EEF1AKMT4: variants seen among roughly 807,000 people sequenced by gnomAD.
EEF1AKMT4 encodes the protein EEF1A lysine methyltransferase 4.
Under a neutral mutation model 23.0 loss-of-function variants are expected in EEF1AKMT4, and 17 were observed. That is an observed-to-expected ratio of 0.74 (90% confidence interval 0.51 to 1.11). EEF1AKMT4 has a LOEUF of 1.11. EEF1AKMT4 is among the 50% of genes least tolerant of loss of function. EEF1AKMT4 has a pLI of 0.00. For missense variants in EEF1AKMT4, 318 were observed against 333.4 expected (o/e 0.95, Z 0.36); for synonymous variants, 140 against 141.4 (o/e 0.99, Z 0.07).
rs1553832766 is a variant in EEF1AKMT4, at chr3:184,257,632, T to C, written c.356T>C (p.Phe119Ser). ...WETMDVRKLD[F>S]PSASFDVVLE... ...ACCATGGATGTGCGGAAGCTGGACT[T>C]CCCCAGTGCTTCTTTTGATGTGGTG... is the stretch of plus-strand genomic sequence containing the variant. Residue 119 changes from phenylalanine (F) to serine (S), a missense_variant, in exon 2 of 3, where the codon TTC (phenylalanine) becomes TCC (serine). By Grantham distance (155) the Phe-to-Ser change is radical. Transcript: ENST00000324557. 1 of 1,614,186 alleles carries C rather than the reference T, an allele frequency of 6.2e-7. No homozygotes were observed.
At chr3:184,254,502 A>G (rs1719703449) in intron 1 of EEF1AKMT4, among the ~76,000 whole-genome samples, 1 of 150,938 alleles carries the variant, frequency 6.6e-6, no homozygotes, top group Admixed American at 6.6e-5. Flanking sequence ...CAGGAGATCG[A>G]GACCATCCTG....
chr3:184,255,794 G>A (rs945772230), intron 1 of EEF1AKMT4, among the ~76,000 whole-genome samples: 8 of 152,204 alleles, frequency 5.3e-5, no homozygotes, highest in African/African-American at 1.2e-4. Context: ...TCAGCTCCCC[G>A]GAAACTCTTG....
chr3:184,252,220 T>C (rs1049580752), intron 1 of EEF1AKMT4, among the ~76,000 whole-genome samples: 1 of 152,144 alleles, frequency 6.6e-6, no homozygotes, highest in African/African-American at 2.4e-5. Flanking sequence ...TGCCTTAAAA[T>C]CTGCTTGACT....
chr3:184,249,841 T>G lies in EEF1AKMT4; in HGVS notation c.147T>G (p.Arg49=), dbSNP rs761180201. The G allele has an allele frequency of 6.2e-7, 1 of 1,613,174 alleles. No individual in the cohort carries two copies. The part of the protein sequence containing the change: ...YDWFGDFSSF[R]ALLEPELRPE... ...GGTTCGGGGACTTCTCCTCCTTCCG[T>G]GCCCTCCTAGAGCCGGAGCTGCGGC... Residue 49 remains arginine, a synonymous_variant, in exon 1 of 3, where the codon CGT becomes CGG. Coordinates refer to ENST00000324557, the MANE Select transcript of EEF1AKMT4 (RefSeq NM_032331.4).
intron 1 of EEF1AKMT4, among the ~76,000 whole-genome samples, chr3:184,255,783 G>A: frequency 6.6e-6 from 1 of 152,232 alleles, no homozygotes; most frequent in East Asian, 1.9e-4. Context: ...TTGCTTGGTT[G>A]TCAGCTCCCC....
intron 1 of EEF1AKMT4, 130 bp from the exon 2 acceptor site, chr3:184,257,343 C>T (rs1719853484): frequency 1.1e-6 from 1 of 938,894 alleles, no homozygotes; most frequent in Non-Finnish European, 1.6e-6. Flanking sequence ...TTTCTGCACT[C>T]TGCCACCTCC....
chr3:184,252,990 G>A (rs1719629499), intron 1 of EEF1AKMT4, among the ~76,000 whole-genome samples: 1 of 147,554 alleles, frequency 6.8e-6, no homozygotes, highest in Non-Finnish European at 1.5e-5. Context: ...GAATAGCCAT[G>A]TTTCAATATA....
intron 1 of EEF1AKMT4, among the ~76,000 whole-genome samples, chr3:184,255,732 CAGAGTGTTGGG>C (rs1390751527): frequency 6.6e-6 from 1 of 152,230 alleles, no homozygotes; most frequent in Non-Finnish European, 1.5e-5. Context: ...CACTTCCTAC[CAGAGTGTTGGG>C]AAGTTGTCAA....
rs1719569772 is a variant in EEF1AKMT4 at position 184,251,794 on chromosome 3, G to A, written c.196+1904G>A. 2.0e-5 allele frequency among the ~76,000 whole-genome samples: 3 copies of A among 152,164 alleles called. No individual in the cohort carries two copies. In the South Asian group the frequency reaches 6.2e-4, roughly 32 times the overall value. ...TTGGAATCTTGGCTCGGCTTATACTGGCTGTGTAATCCTGGACAAAATACT... is the reference window on the plus strand; with the variant it reads ...TTGGAATCTTGGCTCGGCTTATACTAGCTGTGTAATCCTGGACAAAATACT... On this transcript the variant is annotated intron_variant, in intron 1 of 2. Coordinates refer to ENST00000324557, the MANE Select transcript of EEF1AKMT4 (RefSeq NM_032331.4).
intron 2 of EEF1AKMT4, 54 bp downstream of exon 2, chr3:184,257,810 A>G: frequency 6.4e-7 from 1 of 1,556,522 alleles, no homozygotes; most frequent in Non-Finnish European, 8.7e-7. Context: ...TGCGGGGTTG[A>G]GGTTTCAGGG....
intron 1 of EEF1AKMT4, among the ~76,000 whole-genome samples, chr3:184,253,542 C>G (rs1035566790): frequency 6.6e-5 from 10 of 152,194 alleles, no homozygotes; most frequent in African/African-American, 2.4e-4. Flanking sequence ...TTTAAGAGCT[C>G]TGGCTCTGGA....
intron 1 of EEF1AKMT4, among the ~76,000 whole-genome samples, chr3:184,250,477 A>G (rs1009090601): frequency 5.9e-5 from 9 of 152,136 alleles, no homozygotes; most frequent in African/African-American, 2.2e-4. Flanking sequence ...GGGTGATACG[A>G]TTCCCCAAAG....
At chr3:184,250,803 G>A (rs1719504536) in intron 1 of EEF1AKMT4, among the ~76,000 whole-genome samples, 1 of 152,236 alleles carries the variant, frequency 6.6e-6, no homozygotes, top group Non-Finnish European at 1.5e-5. Flanking sequence ...TAATAACTTG[G>A]CTGGGCGCGG....
chr3:184,249,959 T>C (rs1719450525), intron 1 of EEF1AKMT4, 69 bp downstream of exon 1: 4 of 1,502,356 alleles, frequency 2.7e-6, no homozygotes, highest in Non-Finnish European at 2.7e-6. Flanking sequence ...CTTGGCCTGG[T>C]CCGCTTTCCT....
chr3:184,254,777 C>T (rs1307651504), intron 1 of EEF1AKMT4, among the ~76,000 whole-genome samples: 2 of 152,066 alleles, frequency 1.3e-5, no homozygotes, highest in African/African-American at 4.8e-5. Flanking sequence ...CTCCTGTTCC[C>T]ATGATGGCTA....
chr3:184,256,272 C>CAAAAAAAAAAAAAAAAAAAAAAAAAAAA (rs59087969), intron 1 of EEF1AKMT4, among the ~76,000 whole-genome samples: 11 of 54,204 alleles, frequency 2.0e-4, no homozygotes, highest in East Asian at 5.5e-4. Flanking sequence ...AACTCCATCT[C>CAAAAAAAAAAAAAAAAAAAAAAAAAAAA]AAAAAAAAAA....
At position 184,257,486 on chromosome 3, in the gene EEF1AKMT4, T is replaced by C; in HGVS notation, c.210T>C (p.Ser70=). Residue 70 remains serine, a synonymous_variant, in exon 2 of 3, where the codon AGT becomes AGC. Coordinates refer to ENST00000324557, the MANE Select transcript of EEF1AKMT4 (RefSeq NM_032331.4). ...DRILVLGCGN[S]ALSYELFLGG... is the part of the protein sequence containing the mutation. ...CTCCCACCCCAGGTTGCGGGAACAG[T>C]GCCCTGAGCTACGAGCTGTTCCTCG... 2 of 1,601,728 alleles carry C rather than the reference T, an allele frequency of 1.2e-6. No homozygotes were observed. The highest frequency in any genetic ancestry group is 1.7e-6 in the Non-Finnish European group (2 of 1,170,068).
rs1437173489 is a variant in EEF1AKMT4 at position 184,257,647 on chromosome 3, T to C, written c.371T>C (p.Phe124Ser). 28 of 1,614,058 alleles carry C rather than the reference T, an allele frequency of 1.7e-5. No individual in the cohort carries two copies. The highest frequency in any genetic ancestry group is 5.0e-5 in the Admixed American group (3 of 60,002). The change falls in exon 2 of 3, where the codon TTT becomes TCT. Residue 124 changes from phenylalanine (F) to serine (S), a missense_variant. Phe to Ser is a radical substitution (Grantham distance 155). Coordinates refer to ENST00000324557, the MANE Select transcript of EEF1AKMT4 (RefSeq NM_032331.4). ...AAGCTGGACTTCCCCAGTGCTTCTT[T>C]TGATGTGGTGCTCGAGAAGGGCACG... is the stretch of plus-strand genomic sequence containing the variant. Reference protein sequence around the residue: ...VRKLDFPSASFDVVLEKGTLD... With the variant: ...VRKLDFPSASSDVVLEKGTLD...
rs926881923 is a variant in EEF1AKMT4 at position 184,251,657 on chromosome 3, G to A, written c.196+1767G>A. ...ATCCAGGCTGCAGTGAGCTGTGATG[G>A]CTCCAATGGGCTCCAGCCTAGGCGA... On this transcript the variant is annotated intron_variant, in intron 1 of 2. Coordinates refer to ENST00000324557, the MANE Select transcript of EEF1AKMT4 (RefSeq NM_032331.4). Among the ~76,000 whole-genome samples, 3 of 152,158 alleles carry A rather than the reference G, an allele frequency of 2.0e-5. No homozygotes were observed. The East Asian group carries it at 5.8e-4, about 29-fold the overall frequency.
Sources: allele counts gnomAD v4.1 joint callset (sites outside exome capture counted in the v4.1 genomes callset), GRCh38; gene constraint gnomAD v4.1.1; transcripts MANE v1.5; gene names NCBI Gene and HGNC (gene_info 2026-07-23, HGNC 2026-07-21).